Variants in GAK observed in about 807,000 individuals in gnomAD.
GAK encodes the protein cyclin-G-associated kinase.
In GAK, 79 loss-of-function variants were observed where a neutral mutation model predicts 143.9. The ratio of observed to expected loss-of-function variants is 0.55; its 90% CI spans 0.46 to 0.66. The LOEUF (loss-of-function observed/expected upper bound fraction) is 0.66. Among genes scored for constraint, GAK ranks in the 30% least tolerant of loss-of-function variants. GAK has a pLI of 0.00. For synonymous variants in GAK, 881 were observed against 765.5 expected (o/e 1.15, Z -2.49); for missense variants, 1,693 against 1,779.7 (o/e 0.95, Z 0.88).
chr4:893,633 G>A (rs1265353699), intron 8 of GAK, 144 bp from the exon 9 acceptor site: 1 of 727,996 alleles, frequency 1.4e-6, no homozygotes, highest in Non-Finnish European at 2.1e-6. Context: ...GCGGCAAAGG[G>A]AAGAACAAAA....
intron 20 of GAK, 42 bp downstream of exon 20, chr4:868,497 G>A: frequency 6.3e-7 from 1 of 1,590,004 alleles, no homozygotes. Context: ...CAGACCAGGG[G>A]CCTGCCCTCT....
At chr4:877,917 G>A in intron 15 of GAK, 108 bp from the exon 16 acceptor site, 1 of 980,344 alleles carries the variant, frequency 1.0e-6, no homozygotes, top group Non-Finnish European at 1.5e-6. Context: ...TTCCCTTGTA[G>A]CAATGTTTTA....
At chr4:893,755 T>C (rs1718154882) in intron 8 of GAK, 119 bp downstream of exon 8, 13 of 1,238,994 alleles carry the variant, frequency 1.0e-5, no homozygotes, top group Middle Eastern at 2.1e-4. Context: ...GTCAAAACTA[T>C]GGTGACGGGC....
chr4:912,858 C>A, intron 2 of GAK, 64 bp from the exon 3 acceptor site: 6 of 1,430,630 alleles, frequency 4.2e-6, no homozygotes, highest in Non-Finnish European at 5.9e-6. Context: ...CCACCCGATG[C>A]ATCATCTCAG....
chr4:932,121 G>A lies in GAK; in HGVS notation c.67C>T (p.Arg23Cys), dbSNP rs1267171783. 2.5e-6 allele frequency: 4 copies of A among 1,593,772 alleles called. No homozygotes were observed. Among genetic ancestry groups the A allele is most frequent in the Non-Finnish European group, 3.4e-6 (4 of 1,170,878 alleles). Residue 23 changes from arginine (R) to cysteine (C), a missense_variant, in exon 1 of 28, where the codon CGC (arginine) becomes TGC (cysteine). Physicochemically the swap from Arg to Cys is radical, Grantham distance 180. Transcript: ENST00000314167. This position sits in a 1 kb window ranked among gnomAD's most constrained non-coding sequence, Gnocchi z 4.0. ...GPGSLGGASG[R>C]DQSDFVGQTV... ...TGCCCCACGAAGTCACTCTGGTCGC[G>A]GCCGGAAGCACCGCCCAGGGAGCCT...
chr4:914,507 A>C (rs547027968), intron 1 of GAK, among the ~76,000 whole-genome samples: 21 of 46,278 alleles, frequency 4.5e-4, no homozygotes, highest in East Asian at 1.6e-3. Flanking sequence ...GCACGGCCCC[A>C]CACACACACA....
At chr4:849,833 G>GGGGGGGGGGGGCC in intron 27 of GAK, 59 bp from the exon 28 acceptor site, 2 of 1,190,154 alleles carry the variant, frequency 1.7e-6, no homozygotes, top group Non-Finnish European at 2.3e-6. Flanking sequence ...GGCGGGGCAG[G>GGGGGGGGGGGGCC]ACCCCCCCCC....
intron 20 of GAK, among the ~76,000 whole-genome samples, chr4:867,929 G>A (rs1751506174): frequency 6.6e-6 from 1 of 152,226 alleles, no homozygotes; most frequent in South Asian, 2.1e-4. Flanking sequence ...CCTCTGCGGT[G>A]CCTCAGGCTG....
chr4:917,077 A>G (rs746942092), intron 1 of GAK, among the ~76,000 whole-genome samples: 1 of 152,284 alleles, frequency 6.6e-6, no homozygotes, highest in Non-Finnish European at 1.5e-5. Context: ...CCAGGCGAAA[A>G]AAGAGTACAT....
chr4:902,564 G>A (rs1196687562), intron 5 of GAK, among the ~76,000 whole-genome samples: 3 of 142,746 alleles, frequency 2.1e-5, no homozygotes, highest in Non-Finnish European at 3.0e-5. Context: ...CAGTGCCGCT[G>A]CACTCCAGCC....
In GAK at chr4:857,627, C is replaced by T. The variant is rs368023503; in HGVS notation, c.3283+1979G>A. Among the ~76,000 whole-genome samples the T allele has an allele frequency of 3.3e-5, 5 of 152,292 alleles. 1 individual carries two copies. The South Asian group carries it at 8.3e-4, about 25-fold the overall frequency. Reference sequence around the variant, plus strand: ...GCACCCGTGACCCTCGTAGAGCCTGCGGGGTCTGCAGTGGTGCCTCCTGCA... The same window carrying T: ...GCACCCGTGACCCTCGTAGAGCCTGTGGGGTCTGCAGTGGTGCCTCCTGCA... On this transcript the variant is annotated intron_variant, in intron 24 of 27. Transcript: ENST00000314167.
chr4:886,516 T>C (rs1560359674), intron 11 of GAK: 1 of 152,388 alleles, frequency 6.6e-6, no homozygotes, highest in South Asian at 2.1e-4. Context: ...GACTCCACTC[T>C]GCCTGTCCCC....
intron 27 of GAK, 59 bp from the exon 28 acceptor site, chr4:849,833 G>GGGCCCCCCCCCCCC: frequency 5.9e-6 from 7 of 1,190,134 alleles, no homozygotes; most frequent in African/African-American, 4.2e-5. Flanking sequence ...GGCGGGGCAG[G>GGGCCCCCCCCCCCC]ACCCCCCCCC....
intron 24 of GAK, chr4:859,322 G>A (rs1749852080): frequency 7.3e-6 from 10 of 1,368,460 alleles, no homozygotes; most frequent in Non-Finnish European, 9.6e-6. Flanking sequence ...CCGCCTCCCC[G>A]ATGGCCCCCA....
chr4:913,597 G>A lies in GAK; in HGVS notation c.207+10C>T, dbSNP rs777902534. ...CAGAAATCCAGAGAAGGCGTTAAAT[G>A]GTTCATTACCTTTAATGCATACTCT... On this transcript the variant is annotated intron_variant, in intron 2 of 27. Coordinates refer to ENST00000314167, the MANE Select transcript of GAK (RefSeq NM_005255.4). The A allele has an allele frequency of 1.2e-6, 2 of 1,607,118 alleles. No individual in the cohort carries two copies. The highest frequency in any genetic ancestry group is 1.7e-6 in the Non-Finnish European group (2 of 1,173,752).
rs533868982 is a variant in GAK at position 896,112 on chromosome 4, A to C, written c.741+348T>G. On this transcript the variant is annotated intron_variant, in intron 7 of 27. Transcript: ENST00000314167. ...CCACCCCTTCTACCAAAAATACAAAATAATAGCCGGGCATGGTGGTGAGCA... is the reference window on the plus strand; with the variant it reads ...CCACCCCTTCTACCAAAAATACAAACTAATAGCCGGGCATGGTGGTGAGCA... Among the ~76,000 whole-genome samples the C allele has an allele frequency of 1.1e-3, 172 of 152,256 alleles. 1 individual carries two copies. The highest frequency in any genetic ancestry group is 3.9e-3 in the African/African-American group (163 of 41,572).
intron 4 of GAK, among the ~76,000 whole-genome samples, chr4:905,457 C>T (rs1051462327): frequency 7.1e-6 from 1 of 141,802 alleles, no homozygotes; most frequent in African/African-American, 2.8e-5. Context: ...ACGCTAGGGG[C>T]TCCGCCACGC....
chr4:863,484 T>TG (rs1413352715), intron 23 of GAK, among the ~76,000 whole-genome samples: 1 of 152,188 alleles, frequency 6.6e-6, no homozygotes, highest in Non-Finnish European at 1.5e-5. Flanking sequence ...CCAAGAGCAC[T>TG]GCGTGCCATA....
chr4:924,904 C>T (rs928644670), intron 1 of GAK, among the ~76,000 whole-genome samples: 1 of 151,704 alleles, frequency 6.6e-6, no homozygotes, highest in Non-Finnish European at 1.5e-5. Flanking sequence ...TGGAGTTCCC[C>T]CAGGGGCTGC....
Sources: gnomAD v4.1 joint callset for allele counts (sites outside exome capture counted in the v4.1 genomes callset) on GRCh38, gnomAD v4.1.1 for gene constraint, Gnocchi (gnomAD v3.1) non-coding constraint, MANE v1.5 for transcripts, NCBI Gene and HGNC (gene_info 2026-07-23, HGNC 2026-07-21) for gene names.